The following PLIN4 variants were observed in gnomAD, a reference collection of about 807,000 sequenced individuals.
PLIN4 encodes perilipin 4.
In PLIN4, 57 loss-of-function variants were observed where a neutral mutation model predicts 52.4. That is an observed-to-expected ratio of 1.09 (90% CI 0.88 to 1.36). The LOEUF is 1.36. PLIN4 is among the 40% of genes most tolerant of loss of function. The probability of loss-of-function intolerance (pLI) is 0.00; values close to 1 mark genes in which losing one functional copy is unlikely to be tolerated. For synonymous variants in PLIN4, 826 were observed against 785.4 expected (o/e 1.05, Z -0.86); for missense variants, 1,757 against 1,770.3 (o/e 0.99, Z 0.13).
At position 4,502,360 on chromosome 19, in the gene PLIN4, C is replaced by T. The variant is rs1208656484; in HGVS notation, c.*2099G>A. ...GACTAAAAGGCACTCTGGGCCCAGC[C>T]CAACCCTGAAAGGCCAGTGGCAGGA... On this transcript the variant is annotated 3_prime_UTR_variant, in exon 8 of 8. Coordinates refer to ENST00000301286, the MANE Select transcript of PLIN4 (RefSeq NM_001367868.2). 1 of 368,560 alleles carries T rather than the reference C, an allele frequency of 2.7e-6. No individual in the cohort carries two copies. The highest frequency in any genetic ancestry group is 5.1e-6 in the Non-Finnish European group (1 of 197,252). The allele number at this position is 368,560 out of a possible 1,614,324, so 22.8% of individuals were successfully genotyped here. A position where few individuals can be genotyped will look rare whatever the true frequency, so the allele number is the denominator to read the frequency against.
In PLIN4 at chr19:4,516,988, G is replaced by T. The variant is rs1976601239; in HGVS notation, c.197-310C>A. Among the ~76,000 whole-genome samples, 3 of 152,144 alleles carry T rather than the reference G, an allele frequency of 2.0e-5. No homozygotes were observed. In the South Asian group the frequency reaches 6.2e-4, roughly 31 times the overall value. ...GCCTGGCATGGGGGAACAGCCCCTT[G>T]CCCAGCCCGCCCCGCCCCCACCGCA... On this transcript the variant is annotated intron_variant, in intron 3 of 7. Coordinates refer to ENST00000301286, the MANE Select transcript of PLIN4 (RefSeq NM_001367868.2).
chr19:4,504,282 T>G lies in PLIN4; in HGVS notation c.*177A>C. The stretch of plus-strand genomic sequence containing the variant: ...GGCAGGCCCGGAGCAGGGCGTGGGG[T>G]GGCTCAGTTAAGAAGGTCACTGCCT... On this transcript the variant is annotated 3_prime_UTR_variant, in exon 8 of 8. Coordinates refer to ENST00000301286, the MANE Select transcript of PLIN4 (RefSeq NM_001367868.2). 1.7e-6 allele frequency: 1 copy of G among 600,416 alleles called. No homozygotes were observed. The allele number at this position is 600,416 out of a possible 1,614,324, so 37.2% of individuals were successfully genotyped here.
rs139077831 is a variant in PLIN4, at chr19:4,512,863, G to T, written c.1097C>A (p.Thr366Asn). The T allele has an allele frequency of 5.1e-6, 8 of 1,563,360 alleles. 1 individual carries two copies. Among genetic ancestry groups the T allele is most frequent in the Non-Finnish European group, 6.9e-6 (8 of 1,165,822 alleles). The change falls in exon 5 of 8, where the codon ACC becomes AAC. Residue 366 changes from threonine (T) to asparagine (N), a missense_variant. Transcript: ENST00000301286. ...VDTTKTVLTG[T>N]KNTVCSGVTG... is the part of the protein sequence containing the mutation. ...CACCCCACTGCAGACAGTGTTCTTG[G>T]TGCCAGTTAGGACAGTCTTGGTGGT... is the stretch of plus-strand genomic sequence containing the variant.
At position 4,504,895 on chromosome 19, in the gene PLIN4, G is replaced by C; in HGVS notation, c.3755C>G (p.Ser1252Ter). ...AGCAGCGTCCTCCGCACTGGCACCT[G>C]AGCCCTGGTCCAGACGTGGCTGCCC... ...PEGQPRLDQG[S>*]GASAEDAAVQ... Residue 1252 changes from serine to a stop codon, truncating the protein, a stop_gained, in exon 7 of 8, where the codon TCA becomes TGA. Transcript: ENST00000301286. LOFTEE classifies it low-confidence loss of function (END_TRUNC). 6.2e-7 allele frequency: 1 copy of C among 1,608,298 alleles called. No individual in the cohort carries two copies. Among genetic ancestry groups the C allele is most frequent in the Non-Finnish European group, 8.5e-7 (1 of 1,178,002 alleles).
In PLIN4 at chr19:4,502,452, G is replaced by C. The variant is rs568061868; in HGVS notation, c.*2007C>G. 141 of 320,688 alleles carry C rather than the reference G, an allele frequency of 4.4e-4. 3 individuals are homozygous for C. Among genetic ancestry groups the C allele is most frequent in the South Asian group, 3.6e-3 (140 of 38,532 alleles). The allele number at this position is 320,688 out of a possible 1,614,324, so 19.9% of individuals were successfully genotyped here. A position where few individuals can be genotyped will look rare whatever the true frequency, so the allele number is the denominator to read the frequency against. On this transcript the variant is annotated 3_prime_UTR_variant, in exon 8 of 8. Coordinates refer to ENST00000301286, the MANE Select transcript of PLIN4 (RefSeq NM_001367868.2). Reference sequence around the variant, plus strand: ...CAAACCAGGGCATCTAAGCTGTGCTGCCTGCGCCCTGCCCCGCACCCACGA... The same window carrying C: ...CAAACCAGGGCATCTAAGCTGTGCTCCCTGCGCCCTGCCCCGCACCCACGA...
intron 4 of PLIN4, among the ~76,000 whole-genome samples, chr19:4,514,556 T>G (rs1271881727): frequency 6.6e-6 from 1 of 151,078 alleles, no homozygotes. Flanking sequence ...AAACCCTGTC[T>G]CTACTAAAAA....
At chr19:4,505,738 G>A (rs899481252) in intron 6 of PLIN4, among the ~76,000 whole-genome samples, 2 of 152,050 alleles carry the variant, frequency 1.3e-5, no homozygotes, top group East Asian at 3.9e-4. Context: ...GACTGCTGTC[G>A]CCCTCCCAGC....
Position 4,504,526 on chromosome 19 carries a change from C to T in PLIN4, c.4049G>A (p.Gly1350Asp). ...GCTGAGCGGGGGATTGTGCTGTAGG[C>T]CCTCCAGCAGCTGCTCTAACCCCTG... ...AWQGLEQLLEGLQHNPPLSWL... is the reference protein window; with the variant it reads ...AWQGLEQLLEDLQHNPPLSWL... Residue 1350 changes from glycine (G) to aspartate (D), a missense_variant, in exon 8 of 8, where the codon GGC (glycine) becomes GAC (aspartate). This residue lies in a region of PLIN4 where 712 missense variants were observed against 637.1 expected (regional missense o/e 1.12). Coordinates refer to ENST00000301286, the MANE Select transcript of PLIN4 (RefSeq NM_001367868.2). 1.9e-6 allele frequency: 3 copies of T among 1,605,328 alleles called. No homozygotes were observed. The highest frequency in any genetic ancestry group is 2.5e-6 in the Non-Finnish European group (3 of 1,176,900).
chr19:4,515,339 G>A (rs540130214), intron 4 of PLIN4, among the ~76,000 whole-genome samples: 21 of 150,522 alleles, frequency 1.4e-4, no homozygotes, highest in Middle Eastern at 6.8e-3. Flanking sequence ...GCGAGATCTC[G>A]GCTCACTGCA....
rs201911870 is a variant in PLIN4 at position 4,515,180 on chromosome 19, T to TA, written c.258+1436dup. Among the ~76,000 whole-genome samples the TA allele has an allele frequency of 3.0e-4, 45 of 150,532 alleles. No individual in the cohort carries two copies. The East Asian group carries it at 4.5e-3, about 15-fold the overall frequency. On this transcript the variant is annotated intron_variant, in intron 4 of 7. Coordinates refer to ENST00000301286, the MANE Select transcript of PLIN4 (RefSeq NM_001367868.2). ...GACAGAGCGAGACTGTCTCAAAAGA[T>TA]AAAAAAAAATTAAAAAACACAAAAA...
At chr19:4,509,086 G>T (rs927148536) in intron 5 of PLIN4, 131 bp from the exon 6 acceptor site, 3 of 794,232 alleles carry the variant, frequency 3.8e-6, no homozygotes, top group Non-Finnish European at 3.9e-6. Flanking sequence ...GAGGCGGGCA[G>T]ATCACGAGGT....
In PLIN4 at chr19:4,508,969, C is replaced by A; in HGVS notation, c.3515-14G>T. 6.2e-7 allele frequency: 1 copy of A among 1,604,836 alleles called. No homozygotes were observed. Among genetic ancestry groups the A allele is most frequent in the Admixed American group, 1.7e-5 (1 of 59,546 alleles). ...CAGCCAGCTGAGCTGGAAAGGAAGG[C>A]GCACCGCTCAGTCCCGGAAGCCCCT... On this transcript the variant is annotated splice_polypyrimidine_tract_variant and intron_variant, in intron 5 of 7. Transcript: ENST00000301286.
chr19:4,507,247 G>A (rs1019814962), intron 6 of PLIN4, among the ~76,000 whole-genome samples: 2 of 152,232 alleles, frequency 1.3e-5, no homozygotes, highest in Admixed American at 6.5e-5. Flanking sequence ...CTCACGGCCC[G>A]CCGGGGTGGG....
intron 3 of PLIN4, among the ~76,000 whole-genome samples, chr19:4,517,089 G>A (rs974416636): frequency 6.6e-6 from 1 of 152,166 alleles, no homozygotes; most frequent in African/African-American, 2.4e-5. Context: ...CCCAGAGGGA[G>A]GCCCAGCTCA....
rs368585474 is a variant in PLIN4 at position 4,513,709 on chromosome 19, G to A, written c.259-8C>T. The A allele has an allele frequency of 2.6e-6, 4 of 1,565,400 alleles. No individual in the cohort carries two copies. The African/African-American group carries it at 5.4e-5, about 21-fold the overall frequency. Reference sequence around the variant, plus strand: ...TTTGGCCCCGGACACCATCTGCTGAGAAAGGACACAGGTGGATCAAGAGAA... The same window carrying A: ...TTTGGCCCCGGACACCATCTGCTGAAAAAGGACACAGGTGGATCAAGAGAA... On this transcript the variant is annotated splice_polypyrimidine_tract_variant and splice_region_variant and intron_variant, in intron 4 of 7. Coordinates refer to ENST00000301286, the MANE Select transcript of PLIN4 (RefSeq NM_001367868.2).
At position 4,513,562 on chromosome 19, in the gene PLIN4, G is replaced by A. The variant is rs535215048; in HGVS notation, c.398C>T (p.Thr133Met). The A allele has an allele frequency of 1.1e-4, 182 of 1,606,586 alleles. No homozygotes were observed. The Admixed American group carries it at 1.6e-3, about 14-fold the overall frequency. Residue 133 changes from threonine (T) to methionine (M), a missense_variant, in exon 5 of 8, where the codon ACG becomes ATG. Transcript: ENST00000301286. ...GCTGGACACCACCTCCTTGGTGCCC[G>A]TAAGTGCAGACCGAGTGGTGTCCAG... ...GGLDTTRSAL[T>M]GTKEVVSSGV... is the part of the protein sequence containing the mutation.
intron 3 of PLIN4, 102 bp downstream of exon 3, chr19:4,517,452 T>C (rs778317694): frequency 2.1e-6 from 3 of 1,401,288 alleles, no homozygotes; most frequent in East Asian, 5.0e-5. Context: ...CAGACAAATA[T>C]GGAGGACTCC....
At position 4,517,705 on chromosome 19, in the gene PLIN4, G is replaced by A. The variant is rs1034048232; in HGVS notation, c.52-7C>T. On this transcript the variant is annotated splice_region_variant and splice_polypyrimidine_tract_variant and intron_variant, in intron 2 of 7. Coordinates refer to ENST00000301286, the MANE Select transcript of PLIN4 (RefSeq NM_001367868.2). ...CAAAGAAGCTGCCCAGGGTCTGCATGGGGGCGGGGGGTGTGCAGGATGAGC... is the reference window on the plus strand; with the variant it reads ...CAAAGAAGCTGCCCAGGGTCTGCATAGGGGCGGGGGGTGTGCAGGATGAGC... 1.3e-6 allele frequency: 2 copies of A among 1,575,798 alleles called. No individual in the cohort carries two copies. Among genetic ancestry groups the A allele is most frequent in the South Asian group, 2.3e-5 (2 of 86,250 alleles).
At chr19:4,507,196 G>A (rs1466466899) in intron 6 of PLIN4, among the ~76,000 whole-genome samples, 2 of 152,242 alleles carry the variant, frequency 1.3e-5, no homozygotes, top group Non-Finnish European at 2.9e-5. Flanking sequence ...GGCCTAGGCT[G>A]CACGCCAGGA....
Sources: allele counts gnomAD v4.1 joint callset (sites outside exome capture counted in the v4.1 genomes callset), GRCh38; gene constraint gnomAD v4.1.1; regional missense constraint gnomAD v4.1.1; transcripts MANE v1.5; gene names NCBI Gene and HGNC (gene_info 2026-07-23, HGNC 2026-07-21).